RBFOX1: variants seen among roughly 807,000 people sequenced by gnomAD.
RBFOX1 encodes the protein RNA binding protein fox-1 homolog 1.
Under a neutral mutation model 57.7 loss-of-function variants are expected in RBFOX1, and 8 were observed. The ratio of observed to expected loss-of-function variants is 0.14; its 90% confidence interval spans 0.08 to 0.25. RBFOX1 has a LOEUF of 0.25. RBFOX1 is among the 10% of genes least tolerant of loss of function. The probability of loss-of-function intolerance (pLI) is 1.00; values close to 1 mark genes in which losing one functional copy is unlikely to be tolerated. For synonymous variants in RBFOX1, 326 were observed against 222.4 expected, an observed-to-expected ratio of 1.47 and a Z score of -4.15; for missense variants, 611 against 548.5, an observed-to-expected ratio of 1.11 and a Z score of -1.14.
intron 4 of RBFOX1, among the ~76,000 whole-genome samples, chr16:7,237,140 C>T (rs1294510914): frequency 2.0e-5 from 3 of 152,190 alleles, no homozygotes; most frequent in Admixed American, 6.5e-5. Context: ...AGCCGCCAAC[C>T]CAAATGTCAT....
rs141264102 is a variant in RBFOX1 at position 7,526,889 on chromosome 16, C to G, written c.270+8500C>G. 8.0e-3 allele frequency among the ~76,000 whole-genome samples: 1,216 copies of G among 152,278 alleles called. 4 individuals are homozygous for G. The highest frequency in any genetic ancestry group is 0.012 in the Non-Finnish European group (788 of 68,024). ...AGAGCTCAAAAACAGGCATGTCAGA[C>G]CAAAATTCTTAAGGGCTGGAAGCCC... On this transcript the variant is annotated intron_variant, in intron 5 of 15. Coordinates refer to ENST00000550418, the MANE Select transcript of RBFOX1 (RefSeq NM_018723.4).
intron 2 of RBFOX1, among the ~76,000 whole-genome samples, chr16:6,431,896 G>GCTTCCTTT (rs1491277692): frequency 1.2e-4 from 15 of 128,196 alleles, no homozygotes; most frequent in Non-Finnish European, 1.9e-4. Context: ...TTGCTTGCTT[G>GCTTCCTTT]CTTTCTTTCT....
chr16:6,693,328 C>G (rs944897580), intron 3 of RBFOX1, among the ~76,000 whole-genome samples: 1 of 147,586 alleles, frequency 6.8e-6, no homozygotes, highest in African/African-American at 2.5e-5. Context: ...ACCATCATCA[C>G]CATCATCCGT....
Position 5,571,537 on chromosome 16 carries a change from C to T in RBFOX1, c.259-27365C>T, listed in dbSNP as rs574972298. ...ACTCAGCATTCCACTGAAGGCTGTA[C>T]CATCAAACAACAAACTGTTTATCAT... On this transcript the variant is annotated intron_variant, in intron 2 of 2. Coordinates refer to the RBFOX1 transcript ENST00000585867. Among the ~76,000 whole-genome samples the T allele has an allele frequency of 3.3e-3, 509 of 152,206 alleles. 3 individuals are homozygous for T. Among genetic ancestry groups the T allele is most frequent in the African/African-American group, 0.011 (476 of 41,524 alleles).
At chr16:5,559,627 G>A (rs2151102841) in intron 2 of RBFOX1, among the ~76,000 whole-genome samples, 1 of 152,270 alleles carries the variant, frequency 6.6e-6, no homozygotes, top group East Asian at 1.9e-4. Context: ...CTGGGACCTT[G>A]ATACCACTCT....
chr16:6,357,333 T>G (rs1346994079), intron 2 of RBFOX1, among the ~76,000 whole-genome samples: 2 of 151,898 alleles, frequency 1.3e-5, no homozygotes, highest in African/African-American at 4.8e-5. Context: ...GATTGAGAAG[T>G]TAGTGGCTAA....
At chr16:7,698,694 T>C (rs1172403934) in intron 14 of RBFOX1, among the ~76,000 whole-genome samples, 1 of 152,192 alleles carries the variant, frequency 6.6e-6, no homozygotes, top group African/African-American at 2.4e-5. Context: ...ATGCAGTAAA[T>C]TGATTTGTGG....
chr16:5,490,204 C>G (rs939071900), intron 2 of RBFOX1, among the ~76,000 whole-genome samples: 4 of 152,212 alleles, frequency 2.6e-5, no homozygotes, highest in Non-Finnish European at 4.4e-5. Context: ...CTATGTTGGG[C>G]TCATCTCGTT....
intron 3 of RBFOX1, among the ~76,000 whole-genome samples, chr16:6,659,452 A>T (rs2098687451): frequency 6.6e-6 from 1 of 152,094 alleles, no homozygotes; most frequent in Non-Finnish European, 1.5e-5. Flanking sequence ...TCTTTTTACA[A>T]TACTTCTTCC....
At chr16:5,684,988 C>G (rs1378688296) in intron 3 of RBFOX1, among the ~76,000 whole-genome samples, 1 of 152,164 alleles carries the variant, frequency 6.6e-6, no homozygotes, top group Non-Finnish European at 1.5e-5. Flanking sequence ...GTTGGGGCAT[C>G]CAGCCTGATG....
chr16:7,357,906 C>G (rs1158550393), intron 4 of RBFOX1, among the ~76,000 whole-genome samples: 7 of 151,886 alleles, frequency 4.6e-5, no homozygotes, highest in Non-Finnish European at 1.0e-4. Context: ...AATTTTTTTC[C>G]TCTCTGAGGG....
At chr16:7,304,915 GGTGTGT>G (rs59599069) in intron 4 of RBFOX1, among the ~76,000 whole-genome samples, 21,268 of 140,334 alleles carry the variant, frequency 0.15, 1,708 homozygotes, top group Middle Eastern at 0.22. Flanking sequence ...TGTGTGGTGT[GGTGTGT>G]GTGTGTGTGT....
chr16:7,315,467 C>CA (rs1555700208), intron 4 of RBFOX1, among the ~76,000 whole-genome samples: 6 of 149,898 alleles, frequency 4.0e-5, no homozygotes, highest in Admixed American at 6.6e-5. Flanking sequence ...CCCCCCCCCC[C>CA]ATACTGGGGG....
intron 4 of RBFOX1, among the ~76,000 whole-genome samples, chr16:7,487,027 G>A (rs12935258): frequency 6.6e-6 from 1 of 152,136 alleles, no homozygotes; most frequent in African/African-American, 2.4e-5. Context: ...AGCCTCCCGA[G>A]TAGCTGAGCT....
At chr16:6,976,642 G>A (rs1362352222) in intron 3 of RBFOX1, among the ~76,000 whole-genome samples, 3 of 150,078 alleles carry the variant, frequency 2.0e-5, no homozygotes, top group Non-Finnish European at 3.0e-5. Flanking sequence ...TCCACCCTAG[G>A]TACAATGTTT....
intron 1 of RBFOX1, among the ~76,000 whole-genome samples, chr16:6,061,478 CA>C (rs2095685761): frequency 6.6e-6 from 1 of 151,446 alleles, no homozygotes; most frequent in Non-Finnish European, 1.5e-5. Context: ...CATCTATTTT[CA>C]TTGTATAACA....
At chr16:6,271,892 T>C (rs1182080376) in intron 1 of RBFOX1, among the ~76,000 whole-genome samples, 1 of 152,108 alleles carries the variant, frequency 6.6e-6, no homozygotes, top group African/African-American at 2.4e-5. Context: ...TAACACCAAG[T>C]CCATATATCC....
rs75601648 is a variant in RBFOX1 at position 7,284,185 on chromosome 16, C to T, written c.27+232087C>T. Among the ~76,000 whole-genome samples the T allele has an allele frequency of 5.7e-3, 873 of 152,282 alleles. 7 individuals carry two copies. Among genetic ancestry groups the T allele is most frequent in the African/African-American group, 0.02 (817 of 41,552 alleles). ...TATAGTTTATTCACTAGTTGAAGGG[C>T]GGTTGTGTTGTTTCCAGTTTTTGCT... is the stretch of plus-strand genomic sequence containing the variant. On this transcript the variant is annotated intron_variant, in intron 4 of 15. Transcript: ENST00000550418.
At chr16:6,730,686 G>A (rs1295046400) in intron 3 of RBFOX1, among the ~76,000 whole-genome samples, 2 of 152,190 alleles carry the variant, frequency 1.3e-5, no homozygotes, top group Non-Finnish European at 2.9e-5. Flanking sequence ...CCTCTTAGAT[G>A]AAATGCCACT....
Sources: allele counts gnomAD v4.1 joint callset (sites outside exome capture counted in the v4.1 genomes callset), GRCh38; gene constraint gnomAD v4.1.1; transcripts MANE v1.5; gene names NCBI Gene and HGNC (gene_info 2026-07-23, HGNC 2026-07-21).